The following PLCXD2 variants were observed in gnomAD, a reference collection of about 807,000 sequenced individuals.
PLCXD2 encodes PI-PLC X domain-containing protein 2.
In PLCXD2, 21 loss-of-function variants were observed where a neutral mutation model predicts 28.6. The ratio of observed to expected loss-of-function variants is 0.73; its 90% CI spans 0.52 to 1.06. The LOEUF is 1.06. Among genes scored for constraint, PLCXD2 ranks in the 50% least tolerant of loss-of-function variants. The pLI, the probability that PLCXD2 is intolerant of heterozygous loss-of-function variation, is 0.00. For synonymous variants in PLCXD2, 140 were observed against 150.1 expected (o/e 0.93, Z 0.49); for missense variants, 369 against 376.7 (o/e 0.98, Z 0.17).
chr3:111,681,039 C>A (rs1458490521), intron 1 of PLCXD2, among the ~76,000 whole-genome samples: 8 of 152,130 alleles, frequency 5.3e-5, no homozygotes, highest in Admixed American at 4.6e-4. Flanking sequence ...GCAGTTTATA[C>A]CCTCAGGTAA....
chr3:111,703,020 A>G (rs1941067934), intron 1 of PLCXD2, among the ~76,000 whole-genome samples: 2 of 152,246 alleles, frequency 1.3e-5, no homozygotes, highest in Non-Finnish European at 1.5e-5. Flanking sequence ...AGGCAGTTAA[A>G]TGTTGTTTCA....
intron 2 of PLCXD2, among the ~76,000 whole-genome samples, chr3:111,710,608 C>A (rs1313277235): frequency 6.6e-6 from 1 of 152,228 alleles, no homozygotes; most frequent in East Asian, 1.9e-4. Flanking sequence ...TACAGCTTCT[C>A]ATGCTCTCTG....
chr3:111,684,346 A>AG (rs981892538), intron 1 of PLCXD2, among the ~76,000 whole-genome samples: 4 of 150,644 alleles, frequency 2.7e-5, no homozygotes, highest in Admixed American at 6.6e-5. Context: ...AAAAAAAAAA[A>AG]GGCATGTTAA....
At chr3:111,702,783 C>T (rs1941061710) in intron 1 of PLCXD2, among the ~76,000 whole-genome samples, 1 of 152,132 alleles carries the variant, frequency 6.6e-6, no homozygotes, top group Non-Finnish European at 1.5e-5. Flanking sequence ...TCATACATTC[C>T]AGGACAGAAG....
chr3:111,708,531 T>G, intron 2 of PLCXD2, 145 bp downstream of exon 2: 1 of 791,838 alleles, frequency 1.3e-6, no homozygotes, highest in Non-Finnish European at 2.0e-6. Flanking sequence ...TGCAAACTAG[T>G]TCCTGGGCTC....
At chr3:111,675,988 G>A (rs1013008493) in intron 1 of PLCXD2, among the ~76,000 whole-genome samples, 4 of 152,154 alleles carry the variant, frequency 2.6e-5, no homozygotes, top group Admixed American at 2.0e-4. Context: ...TGAGGTGGTG[G>A]TGTTTGAAGC....
intron 3 of PLCXD2, 85 bp downstream of exon 3, chr3:111,714,213 A>C (rs1256252939): frequency 6.8e-7 from 1 of 1,465,240 alleles, no homozygotes; most frequent in African/African-American, 1.4e-5. Context: ...CAGTAAAGCC[A>C]TGTAGTCTGA....
At chr3:111,706,573 C>A (rs890144745) in intron 1 of PLCXD2, among the ~76,000 whole-genome samples, 3 of 151,602 alleles carry the variant, frequency 2.0e-5, no homozygotes, top group African/African-American at 7.3e-5. Context: ...GGACTAAGTC[C>A]TCATCTATCA....
In PLCXD2 at chr3:111,708,327, T is replaced by C. The variant is rs761170107; in HGVS notation, c.565T>C (p.Cys189Arg). The C allele has an allele frequency of 1.2e-6, 2 of 1,614,172 alleles. No individual in the cohort carries two copies. Among genetic ancestry groups the C allele is most frequent in the South Asian group, 1.1e-5 (1 of 91,080 alleles). Residue 189 changes from cysteine to arginine, a missense_variant, in exon 2 of 5, where the codon TGC becomes CGC. By Grantham distance (180) the Cys-to-Arg change is radical. Coordinates refer to ENST00000477665, the MANE Select transcript of PLCXD2 (RefSeq NM_001185106.1). ...CCAGGAGGCCTTTGGAAACAAGCTG[T>C]GCCCAGCCTGCAGTGTGGAAAGTTT...
intron 1 of PLCXD2, chr3:111,676,933 G>C (rs1160641419): frequency 6.6e-6 from 1 of 152,266 alleles, no homozygotes; most frequent in Non-Finnish European, 1.5e-5. Context: ...TCTGCTAGTG[G>C]GTTGGCTGTG....
intron 1 of PLCXD2, among the ~76,000 whole-genome samples, chr3:111,687,436 A>T (rs867854850): frequency 2.0e-5 from 3 of 152,244 alleles, no homozygotes; most frequent in Non-Finnish European, 4.4e-5. Context: ...GCTATATTCA[A>T]TGACCATAAG....
chr3:111,678,717 G>A (rs1940664239), intron 1 of PLCXD2, among the ~76,000 whole-genome samples: 1 of 152,048 alleles, frequency 6.6e-6, no homozygotes, highest in Non-Finnish European at 1.5e-5. Context: ...TTAAGATATT[G>A]GGTTAAATGA....
chr3:111,689,698 AAAG>A (rs1282304342), intron 1 of PLCXD2, among the ~76,000 whole-genome samples: 2 of 152,192 alleles, frequency 1.3e-5, no homozygotes, highest in Non-Finnish European at 2.9e-5. Flanking sequence ...AAGTGGAGGG[AAAG>A]AAGAAGGAGG....
intron 2 of PLCXD2, among the ~76,000 whole-genome samples, chr3:111,712,506 C>T (rs777937296): frequency 1.3e-5 from 2 of 152,186 alleles, no homozygotes; most frequent in East Asian, 1.9e-4. Flanking sequence ...ATTAACACAC[C>T]GGTTTACCAC....
intron 1 of PLCXD2, among the ~76,000 whole-genome samples, chr3:111,696,118 T>C (rs1371293486): frequency 6.6e-5 from 10 of 152,228 alleles, no homozygotes; most frequent in Non-Finnish European, 1.2e-4. Flanking sequence ...GCATCTGTTC[T>C]CATTTTCGTC....
chr3:111,714,187 T>G, intron 3 of PLCXD2, 59 bp downstream of exon 3: 2 of 1,547,944 alleles, frequency 1.3e-6, no homozygotes, highest in Admixed American at 3.9e-5. Flanking sequence ...ATCTTGATTC[T>G]ATTCTGAGTA....
chr3:111,677,180 AT>A (rs1479979770), intron 1 of PLCXD2: 1 of 152,224 alleles, frequency 6.6e-6, no homozygotes, highest in East Asian at 1.9e-4. Context: ...TCCTCAAAAG[AT>A]GCTGAATTCA....
chr3:111,714,559 A>G (rs913837867), intron 3 of PLCXD2, among the ~76,000 whole-genome samples: 1 of 152,192 alleles, frequency 6.6e-6, no homozygotes, highest in African/African-American at 2.4e-5. Flanking sequence ...CATGGTGACC[A>G]TGAGTCACTG....
rs1309136019 is a variant in PLCXD2, at chr3:111,719,721, T to C, written c.866+5593T>C. Among the ~76,000 whole-genome samples the C allele has an allele frequency of 4.6e-5, 7 of 152,312 alleles. No individual in the cohort carries two copies. The South Asian group carries it at 1.2e-3, about 27-fold the overall frequency. On this transcript the variant is annotated intron_variant, in intron 3 of 4. Coordinates refer to ENST00000477665, the MANE Select transcript of PLCXD2 (RefSeq NM_001185106.1). ...TCTACAGTGGAAAAAAAAATCAGTATAGCTGTTGCCTCTGGGAGAATGGGG... is the reference window on the plus strand; with the variant it reads ...TCTACAGTGGAAAAAAAAATCAGTACAGCTGTTGCCTCTGGGAGAATGGGG...
Sources: gnomAD v4.1 joint callset for allele counts (sites outside exome capture counted in the v4.1 genomes callset) on GRCh38, gnomAD v4.1.1 for gene constraint, MANE v1.5 for transcripts, NCBI Gene and HGNC (gene_info 2026-07-23, HGNC 2026-07-21) for gene names.